Variants in RORA observed in about 807,000 individuals in gnomAD.
RORA encodes the protein nuclear receptor ROR-alpha.
Under a neutral mutation model 69.5 loss-of-function variants are expected in RORA, and 7 were observed. That is an observed-to-expected ratio of 0.10 (90% CI 0.06 to 0.19). The LOEUF (loss-of-function observed/expected upper bound fraction) is 0.19. Ranked by LOEUF, RORA falls within the 10% of genes least tolerant of loss-of-function variation. The pLI, the probability that RORA is intolerant of heterozygous loss-of-function variation, is 1.00. For missense variants in RORA, 457 were observed against 663.0 expected, an observed-to-expected ratio of 0.69 and a Z score of 3.41; for synonymous variants, 261 against 240.8, an observed-to-expected ratio of 1.08 and a Z score of -0.78.
At chr15:60,941,790 T>C (rs559260395) in intron 1 of RORA, among the ~76,000 whole-genome samples, 8 of 152,348 alleles carry the variant, frequency 5.3e-5, no homozygotes, top group African/African-American at 1.7e-4. Flanking sequence ...TCTATCTTTT[T>C]CATCTCTTCA....
chr15:60,884,979 T>C (rs1407939890), intron 1 of RORA, among the ~76,000 whole-genome samples: 2 of 152,246 alleles, frequency 1.3e-5, no homozygotes, highest in Non-Finnish European at 2.9e-5. Flanking sequence ...GTTGTTTTCC[T>C]TATAGTTTGG....
chr15:60,558,029 G>C (rs1024705500), intron 2 of RORA: 3 of 384,386 alleles, frequency 7.8e-6, no homozygotes, highest in African/African-American at 6.2e-5. Flanking sequence ...AGGATGTTTG[G>C]CCTCTGAATG....
At chr15:60,639,524 C>A (rs1338137557) in intron 2 of RORA, among the ~76,000 whole-genome samples, 1 of 152,268 alleles carries the variant, frequency 6.6e-6, no homozygotes, top group East Asian at 1.9e-4. Flanking sequence ...GGGAAAATTT[C>A]CTTCCGCTCA....
chr15:61,057,295 G>C (rs558502440), intron 1 of RORA, among the ~76,000 whole-genome samples: 1 of 152,322 alleles, frequency 6.6e-6, no homozygotes, highest in South Asian at 2.1e-4. Flanking sequence ...TAGTATAAAA[G>C]AGAAATACAG....
rs182032639 is a variant in RORA at position 60,595,137 on chromosome 15, G to T, written c.197-63286C>A. ...AAGGGAACATCTCCCATATTGAAGG[G>T]ACATCTCCCTTCAATAATACCAAAT... On this transcript the variant is annotated intron_variant, in intron 2 of 10. Coordinates refer to ENST00000335670, the MANE Select transcript of RORA (RefSeq NM_134261.3). 2.9e-3 allele frequency among the ~76,000 whole-genome samples: 443 copies of T among 151,764 alleles called. 3 individuals are homozygous for T. Among genetic ancestry groups the T allele is most frequent in the African/African-American group, 0.01 (426 of 41,356 alleles).
At chr15:61,006,810 T>C (rs1894925828) in intron 1 of RORA, among the ~76,000 whole-genome samples, 1 of 152,172 alleles carries the variant, frequency 6.6e-6, no homozygotes, top group Non-Finnish European at 1.5e-5. Flanking sequence ...CTAACTCCCT[T>C]TGAATTATTG....
chr15:60,631,262 C>T (rs919381698), intron 2 of RORA, among the ~76,000 whole-genome samples: 8 of 152,156 alleles, frequency 5.3e-5, no homozygotes, highest in South Asian at 2.1e-4. Context: ...TGTGACTGAC[C>T]GCTAAAACTG....
chr15:60,896,731 GCTT>G (rs745442649), intron 1 of RORA, among the ~76,000 whole-genome samples: 26 of 87,678 alleles, frequency 3.0e-4, no homozygotes, highest in African/African-American at 9.2e-4. Flanking sequence ...GGAGAATTTA[GCTT>G]TTTTTTTTTT....
At chr15:60,761,754 A>G (rs2071896366) in intron 1 of RORA, among the ~76,000 whole-genome samples, 1 of 152,136 alleles carries the variant, frequency 6.6e-6, no homozygotes, top group African/African-American at 2.4e-5. Context: ...AAAACACTAT[A>G]TGAGAATTTT....
chr15:60,573,891 T>A (rs1485174757), intron 2 of RORA, among the ~76,000 whole-genome samples: 1 of 152,230 alleles, frequency 6.6e-6, no homozygotes, highest in African/African-American at 2.4e-5. Context: ...GCCTGTGAGC[T>A]CCTTGAAGGC....
intron 1 of RORA, among the ~76,000 whole-genome samples, chr15:61,048,709 C>T (rs1595917156): frequency 6.6e-6 from 1 of 152,162 alleles, no homozygotes; most frequent in Non-Finnish European, 1.5e-5. Context: ...ATAGAGTCCC[C>T]CTGAACAATT....
At chr15:60,635,368 AAG>A (rs1222610578) in intron 2 of RORA, among the ~76,000 whole-genome samples, 17 of 152,120 alleles carry the variant, frequency 1.1e-4, no homozygotes, top group African/African-American at 4.1e-4. Context: ...AGAAGGGAGA[AAG>A]GGGGAGAACT....
chr15:61,108,121 T>A (rs2078969130), intron 1 of RORA, among the ~76,000 whole-genome samples: 1 of 152,186 alleles, frequency 6.6e-6, no homozygotes, highest in Admixed American at 6.5e-5. Context: ...ATAGTTTATC[T>A]CCTCTGGTTC....
chr15:60,976,897 G>A (rs975288171), intron 1 of RORA, among the ~76,000 whole-genome samples: 4 of 152,050 alleles, frequency 2.6e-5, no homozygotes, highest in African/African-American at 4.8e-5. Flanking sequence ...ATCCTCGCTC[G>A]CACACCAAGT....
At chr15:60,516,971 A>G (rs1166981594) in intron 3 of RORA, among the ~76,000 whole-genome samples, 2 of 151,850 alleles carry the variant, frequency 1.3e-5, no homozygotes, top group African/African-American at 4.9e-5. Flanking sequence ...AGAGCTAAAC[A>G]TAGTATAATC....
chr15:60,825,242 A>G (rs1007201741), intron 1 of RORA, among the ~76,000 whole-genome samples: 2 of 152,168 alleles, frequency 1.3e-5, no homozygotes, highest in East Asian at 3.9e-4. Context: ...TGCTTCTAGA[A>G]CCACACCTCA....
chr15:60,912,501 T>C (rs1164357448), intron 1 of RORA, among the ~76,000 whole-genome samples: 1 of 151,330 alleles, frequency 6.6e-6, no homozygotes, highest in East Asian at 2.0e-4. Context: ...ACACCTGCAA[T>C]CCCAGCACTT....
intron 1 of RORA, among the ~76,000 whole-genome samples, chr15:61,053,150 G>A (rs923164542): frequency 2.0e-5 from 3 of 152,134 alleles, no homozygotes; most frequent in African/African-American, 7.2e-5. Flanking sequence ...TCAATCACTT[G>A]GTCCTGAATC....
chr15:60,717,376 C>A (rs2071233956), intron 1 of RORA, among the ~76,000 whole-genome samples: 1 of 152,204 alleles, frequency 6.6e-6, no homozygotes, highest in Non-Finnish European at 1.5e-5. Flanking sequence ...AACCATTCAA[C>A]AAACAGCAGC....
Sources: allele counts gnomAD v4.1 joint callset (sites outside exome capture counted in the v4.1 genomes callset), GRCh38; gene constraint gnomAD v4.1.1; transcripts MANE v1.5; gene names NCBI Gene and HGNC (gene_info 2026-07-23, HGNC 2026-07-21).